PRAM1: variants seen among roughly 807,000 people sequenced by gnomAD.
PRAM1 encodes PML-RARA-regulated adapter molecule 1.
PRAM1 carries 41 observed loss-of-function variants against 55.3 expected under a neutral mutation model. The ratio of observed to expected loss-of-function variants is 0.74; its 90% CI spans 0.58 to 0.96. The LOEUF (loss-of-function observed/expected upper bound fraction) is 0.96, where lower values mean the gene tolerates loss of function less well. Ranked by LOEUF, PRAM1 falls within the 40% of genes least tolerant of loss-of-function variation. The probability of loss-of-function intolerance (pLI) is 0.00; values close to 1 mark genes in which losing one functional copy is unlikely to be tolerated. For synonymous variants in PRAM1, 401 were observed against 387.1 expected, an observed-to-expected ratio of 1.04 and a Z score of -0.42; for missense variants, 898 against 892.7, an observed-to-expected ratio of 1.01 and a Z score of -0.08.
chr19:8,499,345 C>A lies in PRAM1; in HGVS notation c.463G>T (p.Ala155Ser), dbSNP rs1407374604. ...GGCGCACCAGGCTCCGGCAGCGAGG[C>A]CTTCAAAGGGGCCTCACCGACCTCA... ...QPEVGEAPLK[A>S]SLPEPGAPAR... The change falls in exon 2 of 10, where the codon GCC becomes TCC. Residue 155 changes from alanine (A) to serine (S), a missense_variant. Transcript: ENST00000423345. 6.2e-7 allele frequency: 1 copy of A among 1,610,776 alleles called. No homozygotes were observed. Among genetic ancestry groups the A allele is most frequent in the Non-Finnish European group, 8.5e-7 (1 of 1,179,016 alleles).
intron 1 of PRAM1, among the ~76,000 whole-genome samples, chr19:8,500,355 G>A (rs1971789820): frequency 6.6e-6 from 1 of 151,776 alleles, no homozygotes; most frequent in Non-Finnish European, 1.5e-5. Flanking sequence ...ACCCCAGGAG[G>A]TAGTGGGAGG....
intron 4 of PRAM1, among the ~76,000 whole-genome samples, chr19:8,494,088 G>A (rs912711646): frequency 2.6e-5 from 4 of 152,146 alleles, no homozygotes; most frequent in African/African-American, 7.2e-5. Context: ...ATGAGCCACC[G>A]CGCCCGGCCC....
Position 8,490,291 on chromosome 19 carries a change from C to T in PRAM1, c.1975+47G>A, listed in dbSNP as rs371359547. On this transcript the variant is annotated intron_variant, in intron 9 of 9. Coordinates refer to ENST00000423345, the MANE Select transcript of PRAM1 (RefSeq NM_032152.5). The surrounding 1 kb of genome is among the most constrained non-coding windows in gnomAD (Gnocchi z 7.3). ...GAAGCCCAATAGTGAGCAGCGCCCC[C>T]GGGGAATCGCCAGGGTCCCTCCAGC... 3.9e-5 allele frequency: 63 copies of T among 1,613,820 alleles called. No homozygotes were observed. In the African/African-American group the frequency reaches 6.0e-4, roughly 15 times the overall value.
At chr19:8,496,132 C>G (rs1490731030) in intron 4 of PRAM1, 2 of 455,746 alleles carry the variant, frequency 4.4e-6, no homozygotes, top group Admixed American at 4.7e-5. Flanking sequence ...CTAAGTAAAT[C>G]AGGCTGGGCG....
At position 8,497,807 on chromosome 19, in the gene PRAM1, A is replaced by G. The variant is rs772574927; in HGVS notation, c.1533T>C (p.Asp511=). 13 of 1,611,200 alleles carry G rather than the reference A, an allele frequency of 8.1e-6. No individual in the cohort carries two copies. The East Asian group carries it at 2.7e-4, about 33-fold the overall frequency. ...GGCTGGAGTCATCTCTGGGTTCCAC[A>G]TCGTCATACAGCTCGTAGATCTCAT... is the stretch of plus-strand genomic sequence containing the variant. ...VPDEIYELYD[D]VEPRDDSSPS... Residue 511 remains aspartate (D), a synonymous_variant, in exon 4 of 10, where the codon GAT becomes GAC. Transcript: ENST00000423345.
chr19:8,499,336 G>T lies in PRAM1; in HGVS notation c.472C>A (p.Pro158Thr), dbSNP rs761354770. ...TTCCGGGCCGGCGCACCAGGCTCCG[G>T]CAGCGAGGCCTTCAAAGGGGCCTCA... ...VGEAPLKASL[P>T]EPGAPARKPL... is the part of the protein sequence containing the mutation. The change falls in exon 2 of 10, where the codon CCG (proline) becomes ACG (threonine). Residue 158 changes from proline to threonine, a missense_variant. By Grantham distance (38) the Pro-to-Thr change is conservative (BLOSUM62 -1). Transcript: ENST00000423345. The T allele has an allele frequency of 6.2e-7, 1 of 1,611,680 alleles. No homozygotes were observed. The highest frequency in any genetic ancestry group is 1.1e-5 in the South Asian group (1 of 90,952).
In PRAM1 at chr19:8,498,445, C is replaced by A; in HGVS notation, c.1363G>T (p.Ala455Ser). Reference protein sequence around the residue: ...PPASSLGHPPAKPPLPPGPVD... With the variant: ...PPASSLGHPPSKPPLPPGPVD... ...GGCCCCGGGGGCAGCGGGGGCTTGG[C>A]TGGAGGGTGTCCCAGGCTGCTGGCA... The change falls in exon 2 of 10, where the codon GCC becomes TCC. Residue 455 changes from alanine to serine, a missense_variant. By Grantham distance (99) the Ala-to-Ser change is moderately conservative. Coordinates refer to ENST00000423345, the MANE Select transcript of PRAM1 (RefSeq NM_032152.5). 1 of 1,581,998 alleles carries A rather than the reference C, an allele frequency of 6.3e-7. No homozygotes were observed. Among genetic ancestry groups the A allele is most frequent in the South Asian group, 1.2e-5 (1 of 86,200 alleles).
At position 8,490,698 on chromosome 19, in the gene PRAM1, C is replaced by T. The variant is rs771955100; in HGVS notation, c.1802G>A (p.Arg601His). The change falls in exon 7 of 10, where the codon CGT becomes CAT. Residue 601 changes from arginine to histidine, a missense_variant. By Grantham distance (29) the Arg-to-His change is conservative. Transcript: ENST00000423345. This position sits in a 1 kb window ranked among gnomAD's most constrained non-coding sequence, Gnocchi z 7.3. ...CCCGAGGTGCTTGCCACCCCCGCGA[C>T]GTGTCTTAGCGTTGGGGTCGATCAT... ...KMMIDPNAKTRRGGGKHLGIR... is the reference protein window; with the variant it reads ...KMMIDPNAKTHRGGGKHLGIR... 9.9e-6 allele frequency: 16 copies of T among 1,609,518 alleles called. No homozygotes were observed. The highest frequency in any genetic ancestry group is 3.4e-5 in the Admixed American group (2 of 59,208).
Position 8,495,002 on chromosome 19 carries a change from C to T in PRAM1, c.1576+2762G>A, listed in dbSNP as rs376719096. 7.3e-5 allele frequency among the ~76,000 whole-genome samples: 11 copies of T among 151,078 alleles called. No homozygotes were observed. The East Asian group carries it at 1.4e-3, about 19-fold the overall frequency. The stretch of plus-strand genomic sequence containing the variant: ...TCACCCAGGCTGGAGTGCAGCGGCG[C>T]GATGTCAGCTCACTGCAACCTCCAC... On this transcript the variant is annotated intron_variant, in intron 4 of 9. Coordinates refer to ENST00000423345, the MANE Select transcript of PRAM1 (RefSeq NM_032152.5).
chr19:8,499,187 A>T lies in PRAM1; in HGVS notation c.621T>A (p.Pro207=), dbSNP rs547298391. The change falls in exon 2 of 10, where the codon CCT becomes CCA. Residue 207 remains proline (P), a synonymous_variant. Transcript: ENST00000423345. ...GCTTCTTGGGAAAGGTACTCAACTCAGGCTGCGGGGACCTCGGGGTAGCCT... is the reference window on the plus strand; with the variant it reads ...GCTTCTTGGGAAAGGTACTCAACTCTGGCTGCGGGGACCTCGGGGTAGCCT... ...AGEATPRSPQ[P]ELSTFPKKPA... 20 of 1,613,188 alleles carry T rather than the reference A, an allele frequency of 1.2e-5. No homozygotes were observed. The highest frequency in any genetic ancestry group is 5.0e-5 in the Admixed American group (3 of 59,926).
At chr19:8,491,254 GA>G (rs112427314) in intron 4 of PRAM1, 97 bp from the exon 5 acceptor site, 32,794 of 1,307,440 alleles carry the variant, frequency 0.025, 1,165 homozygotes, top group African/African-American at 0.16. Context: ...TTTGTTTTGA[GA>G]CGAAGTCTTG....
chr19:8,490,467 G>A lies in PRAM1; in HGVS notation c.1940+9C>T, dbSNP rs1971599998. The A allele has an allele frequency of 3.1e-6, 5 of 1,612,988 alleles. No homozygotes were observed. The African/African-American group carries it at 5.3e-5, about 17-fold the overall frequency. ...GCACTCCCCCACCACGGTCAGGGCT[G>A]GCACTCACAGGGGCAGGAGCGCTGT... On this transcript the variant is annotated intron_variant, in intron 8 of 9. Transcript: ENST00000423345. The surrounding 1 kb of genome is among the most constrained non-coding windows in gnomAD (Gnocchi z 7.3).
chr19:8,494,599 A>G (rs552683649), intron 4 of PRAM1, among the ~76,000 whole-genome samples: 2 of 151,160 alleles, frequency 1.3e-5, no homozygotes, highest in South Asian at 2.1e-4. Flanking sequence ...GGCAAGCCCC[A>G]TCCCAGAGCC....
chr19:8,497,380 T>A (rs894266530), intron 4 of PRAM1, among the ~76,000 whole-genome samples: 15 of 152,148 alleles, frequency 9.9e-5, no homozygotes, highest in African/African-American at 3.4e-4. Flanking sequence ...TCTCGCTCTG[T>A]GGCCCAGACT....
At position 8,490,091 on chromosome 19, in the gene PRAM1, G is replaced by A. The variant is rs1415903375; in HGVS notation, c.*98C>T. On this transcript the variant is annotated 3_prime_UTR_variant, in exon 10 of 10. Transcript: ENST00000423345. This position sits in a 1 kb window ranked among gnomAD's most constrained non-coding sequence, Gnocchi z 7.3. The stretch of plus-strand genomic sequence containing the variant: ...TGGGGCTTTATGTGGCCAGGTACAA[G>A]CCCAGGCAGCTCTGTGACTTTCCCG... 3.3e-6 allele frequency: 4 copies of A among 1,214,486 alleles called. No individual in the cohort carries two copies. The highest frequency in any genetic ancestry group is 4.5e-6 in the Non-Finnish European group (4 of 882,184). The allele number at this position is 1,214,486 out of a possible 1,614,324, so 75.2% of individuals were successfully genotyped here.
rs146609534 is a variant in PRAM1 at position 8,493,497 on chromosome 19, G to A, written c.1577-2340C>T. ...CCACATTAGAGCACCTCTTGGCACC[G>A]CCATGCAGGCAGCCCTGGTTCATCC... On this transcript the variant is annotated intron_variant, in intron 4 of 9. Coordinates refer to ENST00000423345, the MANE Select transcript of PRAM1 (RefSeq NM_032152.5). The surrounding 1 kb of genome is among the most constrained non-coding windows in gnomAD (Gnocchi z 4.1). Among the ~76,000 whole-genome samples, 830 of 152,270 alleles carry A rather than the reference G, an allele frequency of 5.5e-3. 1 individual carries two copies. Among genetic ancestry groups the A allele is most frequent in the Non-Finnish European group, 9.2e-3 (624 of 68,022 alleles).
Position 8,493,419 on chromosome 19 carries a change from C to A in PRAM1, c.1577-2262G>T, listed in dbSNP as rs1040142080. Among the ~76,000 whole-genome samples, 1 of 152,216 alleles carries A rather than the reference C, an allele frequency of 6.6e-6. No individual in the cohort carries two copies. The highest frequency in any genetic ancestry group is 2.4e-5 in the African/African-American group (1 of 41,468). ...AGAGGCTTCCCTGGCCGTGAGCAGT[C>A]ACTCCACCAGGAGCGAACCTGACCT... On this transcript the variant is annotated intron_variant, in intron 4 of 9. Transcript: ENST00000423345. This position sits in a 1 kb window ranked among gnomAD's most constrained non-coding sequence, Gnocchi z 4.1.
intron 4 of PRAM1, among the ~76,000 whole-genome samples, chr19:8,494,064 C>T (rs555515611): frequency 2.6e-5 from 4 of 152,324 alleles, no homozygotes; most frequent in African/African-American, 9.6e-5. Context: ...TCCCAAAGAA[C>T]TGGGATTTTA....
At chr19:8,502,336 C>T (rs910649322) in intron 1 of PRAM1, among the ~76,000 whole-genome samples, 6 of 152,250 alleles carry the variant, frequency 3.9e-5, no homozygotes, top group Admixed American at 6.5e-5. Context: ...CTGTCCCCCT[C>T]GCAGTCCCAA....
Sources: allele counts gnomAD v4.1 joint callset (sites outside exome capture counted in the v4.1 genomes callset), GRCh38; gene constraint gnomAD v4.1.1; non-coding constraint Gnocchi (gnomAD v3.1); transcripts MANE v1.5; gene names NCBI Gene and HGNC (gene_info 2026-07-23, HGNC 2026-07-21).